The following ZNF37A variants were observed in gnomAD, a reference collection of about 807,000 sequenced individuals.
ZNF37A encodes the protein zinc finger protein 37A.
ZNF37A carries 10 observed loss-of-function variants against 12.3 expected under a neutral mutation model. The observed-to-expected ratio is 0.82, with a 90% CI of 0.50 to 1.38. The LOEUF (loss-of-function observed/expected upper bound fraction) is 1.38. Among genes scored for constraint, ZNF37A ranks in the 40% most tolerant of loss-of-function variants. The pLI is 0.00. For synonymous variants in ZNF37A, 207 were observed against 223.0 expected, an observed-to-expected ratio of 0.93 and a Z score of 0.64; for missense variants, 580 against 651.2, an observed-to-expected ratio of 0.89 and a Z score of 1.19.
intron 7 of ZNF37A, chr10:38,142,513 T>C (rs982185483): frequency 7.9e-5 from 12 of 152,168 alleles, no homozygotes; most frequent in African/African-American, 2.7e-4. Flanking sequence ...ACAACACTGG[T>C]GGACCCCGCA....
In ZNF37A at chr10:38,119,261, C is replaced by T; in HGVS notation, c.*424C>T. ...TGTGGGAAAACCTTTCATCAGAAGTCAGCTCTAATTGTTCACCACAGAACT... is the reference window on the plus strand; with the variant it reads ...TGTGGGAAAACCTTTCATCAGAAGTTAGCTCTAATTGTTCACCACAGAACT... On this transcript the variant is annotated 3_prime_UTR_variant, in exon 8 of 8. Transcript: ENST00000685332. 9.5e-7 allele frequency: 1 copy of T among 1,049,824 alleles called. No homozygotes were observed. Among genetic ancestry groups the T allele is most frequent in the Non-Finnish European group, 1.2e-6 (1 of 857,484 alleles). 65.0% of individuals were successfully genotyped at this position (1,049,824 alleles called of 1,614,324 possible). A position where few individuals can be genotyped will look rare whatever the true frequency, so the allele number is the denominator to read the frequency against.
At position 38,115,291 on chromosome 10, in the gene ZNF37A, G is replaced by C. The variant is rs536416366; in HGVS notation, c.238+1G>C. The stretch of plus-strand genomic sequence containing the variant: ...AAATTTCCAAGCCAGAGTCATCTGG[G>C]TGAGTTAGTATGTGCCAGATGGAAT... On this transcript the variant is annotated splice_donor_variant, in intron 7 of 7. Coordinates refer to ENST00000685332, the MANE Select transcript of ZNF37A (RefSeq NM_001324250.3). LOFTEE classifies it high-confidence loss of function. 3 of 1,613,070 alleles carry C rather than the reference G, an allele frequency of 1.9e-6. No individual in the cohort carries two copies. In the South Asian group the frequency reaches 3.3e-5, roughly 18 times the overall value.
downstream of ZNF37A, among the ~76,000 whole-genome samples, chr10:38,127,551 G>A (rs1481195094): frequency 2.0e-5 from 3 of 152,122 alleles, no homozygotes; most frequent in African/African-American, 7.2e-5. Context: ...TTCTCTAAGT[G>A]CACTACTGGT....
downstream of ZNF37A, among the ~76,000 whole-genome samples, chr10:38,127,632 C>T (rs1590938230): frequency 6.6e-6 from 1 of 152,222 alleles, no homozygotes; most frequent in Non-Finnish European, 1.5e-5. Flanking sequence ...CCACTTCCTC[C>T]TACATCTGTC....
At chr10:38,130,565 A>G (rs1365262310) in intron 7 of ZNF37A, among the ~76,000 whole-genome samples, 2 of 151,996 alleles carry the variant, frequency 1.3e-5, no homozygotes, top group African/African-American at 2.4e-5. Context: ...AGTTTAAGTG[A>G]TTCTCCTGCC....
rs766422591 is a variant in ZNF37A, at chr10:38,122,585, TA to T, written c.*3750del. ...TGAAGAACATACACTGGGGAAAAGATAATGTCTTTAATAAATGGTGCTGGGA... is the reference window on the plus strand; with the variant it reads ...TGAAGAACATACACTGGGGAAAAGATATGTCTTTAATAAATGGTGCTGGGA... On this transcript the variant is annotated 3_prime_UTR_variant, in exon 8 of 8. Transcript: ENST00000685332. The T allele has an allele frequency of 1.2e-4, 19 of 152,332 alleles. No individual in the cohort carries two copies. Among genetic ancestry groups the T allele is most frequent in the Non-Finnish European group, 2.2e-4 (15 of 68,034 alleles). The allele number at this position is 152,332 out of a possible 1,614,324, so 9.4% of individuals were successfully genotyped here. A position where few individuals can be genotyped will look rare whatever the true frequency, so the allele number is the denominator to read the frequency against.
intron 7 of ZNF37A, among the ~76,000 whole-genome samples, chr10:38,145,690 C>T (rs1210459383): frequency 6.6e-6 from 1 of 152,184 alleles, no homozygotes; most frequent in African/African-American, 2.4e-5. Flanking sequence ...GGGGCTCAGT[C>T]ACTGTGGCAG....
chr10:38,112,738 T>TCTCGGTCTCGGTC, intron 5 of ZNF37A, among the ~76,000 whole-genome samples: 1 of 58,910 alleles, frequency 1.7e-5, no homozygotes. Context: ...CCATTTTCTT[T>TCTCGGTCTCGGTC]TCTTTTCTTT....
chr10:38,134,987 C>G (rs535611360), intron 7 of ZNF37A, among the ~76,000 whole-genome samples: 1 of 152,166 alleles, frequency 6.6e-6, no homozygotes, highest in Non-Finnish European at 1.5e-5. Flanking sequence ...CTTACTTATA[C>G]GTATATTCTT....
chr10:38,128,036 G>T (rs1021847782), downstream of ZNF37A, among the ~76,000 whole-genome samples: 3 of 152,180 alleles, frequency 2.0e-5, no homozygotes, highest in African/African-American at 7.2e-5. Flanking sequence ...TTGGGGCTGT[G>T]AGTCATGCAG....
chr10:38,108,686 T>C (rs2505188), intron 5 of ZNF37A, among the ~76,000 whole-genome samples: 62,496 of 151,860 alleles, frequency 0.41, 13,033 homozygotes, highest in East Asian at 0.5. Context: ...CAAACTACCA[T>C]CAGAGAATAC....
intron 5 of ZNF37A, among the ~76,000 whole-genome samples, chr10:38,106,624 T>C (rs936829152): frequency 1.3e-5 from 2 of 152,036 alleles, no homozygotes; most frequent in African/African-American, 4.8e-5. Flanking sequence ...GATAGACAAA[T>C]TGCTAACTAG....
chr10:38,112,742 T>TGA (rs201023807), intron 5 of ZNF37A, among the ~76,000 whole-genome samples: 1 of 70,940 alleles, frequency 1.4e-5, no homozygotes, highest in Non-Finnish European at 2.9e-5. Flanking sequence ...TTTCTTTTCT[T>TGA]TTCTTTTCTT....
chr10:38,112,781 T>TCGGTC (rs1564932393), intron 5 of ZNF37A, among the ~76,000 whole-genome samples: 2 of 55,312 alleles, frequency 3.6e-5, no homozygotes, highest in East Asian at 1.5e-3. Context: ...TTTTCTTTTC[T>TCGGTC]TTTCTTTTCT....
intron 5 of ZNF37A, among the ~76,000 whole-genome samples, chr10:38,103,417 A>C (rs556680025): frequency 2.0e-5 from 3 of 152,256 alleles, no homozygotes; most frequent in African/African-American, 7.2e-5. Context: ...TTAATATTTT[A>C]TATTTGGCAC....
rs2069526700 is a variant in ZNF37A at position 38,119,017 on chromosome 10, A to T, written c.*180A>T. ...CATTATTCTGGAATTTGGACCATAC[A>T]CTATGTTACAAAACTAAAAGTGGAA... On this transcript the variant is annotated 3_prime_UTR_variant, in exon 8 of 8. Transcript: ENST00000685332. The T allele has an allele frequency of 2.3e-6, 3 of 1,294,210 alleles. No homozygotes were observed. Among genetic ancestry groups the T allele is most frequent in the East Asian group, 2.9e-5 (1 of 34,182 alleles). 80.2% of individuals were successfully genotyped at this position (1,294,210 alleles called of 1,614,324 possible).
intron 5 of ZNF37A, among the ~76,000 whole-genome samples, chr10:38,097,486 G>A (rs1463071938): frequency 1.3e-5 from 2 of 149,090 alleles, no homozygotes; most frequent in South Asian, 2.1e-4. Context: ...GCTGAGGCAG[G>A]AGAATCGCTT....
At chr10:38,096,779 C>T in intron 5 of ZNF37A, 147 bp downstream of exon 5, 4 of 713,676 alleles carry the variant, frequency 5.6e-6, no homozygotes, top group Non-Finnish European at 8.8e-6. Flanking sequence ...ATGCAGCCTG[C>T]CGCATGTTTT....
At chr10:38,112,735 CTTTTCT>C (rs2068807160) in intron 5 of ZNF37A, among the ~76,000 whole-genome samples, 1 of 24,100 alleles carries the variant, frequency 4.1e-5, no homozygotes, top group East Asian at 3.8e-3. Context: ...CATCCATTTT[CTTTTCT>C]TTTCTTTTCT....
Sources: gnomAD v4.1 joint callset for allele counts (sites outside exome capture counted in the v4.1 genomes callset) on GRCh38, gnomAD v4.1.1 for gene constraint, MANE v1.5 for transcripts, NCBI Gene and HGNC (gene_info 2026-07-23, HGNC 2026-07-21) for gene names.